Variants in ANKS1A observed in about 807,000 individuals in gnomAD.
ANKS1A encodes the protein ankyrin repeat and SAM domain-containing protein 1A.
Under a neutral mutation model 120.3 loss-of-function variants are expected in ANKS1A, and 55 were observed. The ratio of observed to expected loss-of-function variants is 0.46; its 90% CI spans 0.37 to 0.57. The LOEUF is 0.57. ANKS1A is among the 20% of genes least tolerant of loss of function. The pLI is 0.00. For missense variants in ANKS1A, 1,123 were observed against 1,480.3 expected, an observed-to-expected ratio of 0.76 and a Z score of 3.96; for synonymous variants, 590 against 604.7, an observed-to-expected ratio of 0.98 and a Z score of 0.36.
At chr6:34,918,600 A>G (rs1768284935) in intron 1 of ANKS1A, among the ~76,000 whole-genome samples, 1 of 152,214 alleles carries the variant, frequency 6.6e-6, no homozygotes, top group Non-Finnish European at 1.5e-5. Flanking sequence ...AGCAGAAGGT[A>G]TCTCAGGATC....
At chr6:34,961,996 C>T (rs1305406537) in intron 1 of ANKS1A, among the ~76,000 whole-genome samples, 1 of 152,136 alleles carries the variant, frequency 6.6e-6, no homozygotes, top group Non-Finnish European at 1.5e-5. Context: ...TTTTTAGATT[C>T]TTAGTGTCAC....
At chr6:34,939,629 C>T (rs1270935046) in intron 1 of ANKS1A, among the ~76,000 whole-genome samples, 2 of 152,036 alleles carry the variant, frequency 1.3e-5, no homozygotes, top group Non-Finnish European at 2.9e-5. Context: ...GGTTGGATTG[C>T]TTGAGCCCAG....
At chr6:34,933,003 T>C (rs1769066124) in intron 1 of ANKS1A, among the ~76,000 whole-genome samples, 1 of 152,260 alleles carries the variant, frequency 6.6e-6, no homozygotes, top group African/African-American at 2.4e-5. Context: ...ACATTTGTTA[T>C]TGTCCATTTT....
At chr6:35,018,717 G>T (rs533710522) in intron 11 of ANKS1A, among the ~76,000 whole-genome samples, 34 of 152,154 alleles carry the variant, frequency 2.2e-4, no homozygotes, top group Non-Finnish European at 5.9e-5. Context: ...GTAGTCCCCA[G>T]TGTCTATTGT....
At chr6:35,054,260 TG>T in intron 12 of ANKS1A, 95 bp downstream of exon 12, 1 of 1,221,096 alleles carries the variant, frequency 8.2e-7, no homozygotes, top group Non-Finnish European at 1.2e-6. Flanking sequence ...AGACATTCAG[TG>T]GGTGGGAGAG....
chr6:35,085,709 T>G lies in ANKS1A; in HGVS notation c.3133-57T>G. ...CATGGTCCCTGCGAGGAAGGGCATA[T>G]CCAGTGTGAAGCGGCTCCTGAACCA... On this transcript the variant is annotated intron_variant, in intron 21 of 23. Coordinates refer to ENST00000360359, the MANE Select transcript of ANKS1A (RefSeq NM_015245.3). The surrounding 1 kb of genome is among the most constrained non-coding windows in gnomAD (Gnocchi z 4.7). 3.3e-6 allele frequency: 5 copies of G among 1,519,934 alleles called. No individual in the cohort carries two copies. The highest frequency in any genetic ancestry group is 4.4e-6 in the Non-Finnish European group (5 of 1,131,686). 94.2% of individuals were successfully genotyped at this position (1,519,934 alleles called of 1,614,324 possible).
Position 35,091,150 on chromosome 6 carries a change from TTGTCTC to T in ANKS1A, c.*2545_*2550del, listed in dbSNP as rs1778285597. On this transcript the variant is annotated 3_prime_UTR_variant, in exon 24 of 24. Coordinates refer to ENST00000360359, the MANE Select transcript of ANKS1A (RefSeq NM_015245.3). ...CTGTAATGAAAATGTTATTTAATCT[TTGTCTC>T]TGTATTTTGATACTTGAATGACTTT... 2 of 985,942 alleles carry T rather than the reference TTGTCTC, an allele frequency of 2.0e-6. No individual in the cohort carries two copies. Among genetic ancestry groups the T allele is most frequent in the Non-Finnish European group, 2.4e-6 (2 of 829,944 alleles). 61.1% of individuals were successfully genotyped at this position (985,942 alleles called of 1,614,324 possible).
Position 34,941,881 on chromosome 6 carries a change from T to C in ANKS1A, c.198-25358T>C, listed in dbSNP as rs76391055. 3.0e-4 allele frequency among the ~76,000 whole-genome samples: 45 copies of C among 152,336 alleles called. No homozygotes were observed. The East Asian group carries it at 7.9e-3, about 27-fold the overall frequency. On this transcript the variant is annotated intron_variant, in intron 1 of 23. Coordinates refer to ENST00000360359, the MANE Select transcript of ANKS1A (RefSeq NM_015245.3). ...TGGGAATGTGACTGACAATGTACGA[T>C]GTACTGTTCAGAGCCAGAGGAAATG...
intron 1 of ANKS1A, among the ~76,000 whole-genome samples, chr6:34,919,024 G>A (rs1768309120): frequency 6.6e-6 from 1 of 151,992 alleles, no homozygotes; most frequent in Non-Finnish European, 1.5e-5. Context: ...GCTAATTTTT[G>A]TATTTTTAGT....
At chr6:35,007,189 C>T (rs1773508153) in intron 10 of ANKS1A, among the ~76,000 whole-genome samples, 1 of 152,126 alleles carries the variant, frequency 6.6e-6, no homozygotes, top group Admixed American at 6.5e-5. Context: ...GCATTTTGCG[C>T]CTGGGGACCA....
At chr6:35,006,605 T>C (rs1036550823) in intron 10 of ANKS1A, among the ~76,000 whole-genome samples, 1 of 151,400 alleles carries the variant, frequency 6.6e-6, no homozygotes, top group Admixed American at 6.6e-5. Context: ...ATACAAAAAA[T>C]TTAGCTGGGC....
chr6:35,083,617 G>A, intron 20 of ANKS1A, 114 bp downstream of exon 20: 1 of 983,190 alleles, frequency 1.0e-6, no homozygotes, highest in Non-Finnish European at 1.6e-6. Context: ...CTCCCTAGAG[G>A]GTCCCCAGTC....
chr6:34,999,770 G>A (rs548040821), intron 10 of ANKS1A, among the ~76,000 whole-genome samples: 72 of 152,098 alleles, frequency 4.7e-4, no homozygotes, highest in African/African-American at 1.7e-3. Flanking sequence ...CCCCTTCCCC[G>A]CCACAGTAGT....
At chr6:35,033,363 T>A (rs2127571685) in intron 11 of ANKS1A, among the ~76,000 whole-genome samples, 1 of 152,312 alleles carries the variant, frequency 6.6e-6, no homozygotes, top group Non-Finnish European at 1.5e-5. Context: ...CATTACGGGC[T>A]TTACAGGCAC....
At chr6:34,985,045 C>T (rs1302363812) in intron 7 of ANKS1A, 37 bp from the exon 8 acceptor site, 5 of 1,585,094 alleles carry the variant, frequency 3.2e-6, no homozygotes, top group African/African-American at 1.3e-5. Context: ...ATTCTGCTCC[C>T]CTTCAGTGAC....
At chr6:34,995,366 G>A (rs1350723427) in intron 10 of ANKS1A, among the ~76,000 whole-genome samples, 1 of 148,556 alleles carries the variant, frequency 6.7e-6, no homozygotes, top group African/African-American at 2.5e-5. Context: ...CATTTTCATA[G>A]TGTTTTTTTT....
rs1776289492 is a variant in ANKS1A, at chr6:35,057,811, TAA to T, written c.2078-2334_2078-2333del. Among the ~76,000 whole-genome samples, 1 of 152,238 alleles carries T rather than the reference TAA, an allele frequency of 6.6e-6. No individual in the cohort carries two copies. The highest frequency in any genetic ancestry group is 1.5e-5 in the Non-Finnish European group (1 of 68,034). On this transcript the variant is annotated intron_variant, in intron 12 of 23. Coordinates refer to ENST00000360359, the MANE Select transcript of ANKS1A (RefSeq NM_015245.3). This position sits in a 1 kb window ranked among gnomAD's most constrained non-coding sequence, Gnocchi z 4.1. ...TTTTTATAAGAAGCACAGTCATTCG[TAA>T]AGTGGCAAGTAGGGGGGTCACTTAC... is the stretch of plus-strand genomic sequence containing the variant.
chr6:34,909,392 T>C (rs953518605), intron 1 of ANKS1A, among the ~76,000 whole-genome samples: 9 of 152,220 alleles, frequency 5.9e-5, no homozygotes, highest in Non-Finnish European at 1.3e-4. Flanking sequence ...ATAATCATTA[T>C]CATTATCATT....
chr6:35,061,912 A>G (rs1776526739), intron 13 of ANKS1A, among the ~76,000 whole-genome samples: 1 of 152,224 alleles, frequency 6.6e-6, no homozygotes, highest in Non-Finnish European at 1.5e-5. Context: ...GCTGGCCGTC[A>G]GATGGGCAAG....
Sources: gnomAD v4.1 joint callset for allele counts (sites outside exome capture counted in the v4.1 genomes callset) on GRCh38, gnomAD v4.1.1 for gene constraint, Gnocchi (gnomAD v3.1) non-coding constraint, MANE v1.5 for transcripts, NCBI Gene and HGNC (gene_info 2026-07-23, HGNC 2026-07-21) for gene names.